The following INTS8 variants were observed in gnomAD, a reference collection of about 807,000 sequenced individuals.
INTS8 encodes protein kaonashi-1.
A neutral mutation model predicts 138.9 loss-of-function variants in INTS8; 47 were observed. The ratio of observed to expected loss-of-function variants is 0.34; its 90% CI spans 0.27 to 0.43. INTS8 has a LOEUF of 0.43. Among genes scored for constraint, INTS8 ranks in the 20% least tolerant of loss-of-function variants. The pLI is 1.00. For missense variants in INTS8, 996 were observed against 1,173.0 expected, an observed-to-expected ratio of 0.85 and a Z score of 2.20; for synonymous variants, 392 against 400.9, an observed-to-expected ratio of 0.98 and a Z score of 0.27.
At chr8:94,873,176 C>T (rs1816457546) in intron 21 of INTS8, among the ~76,000 whole-genome samples, 198 bp from the exon 22 acceptor site, 1 of 152,214 alleles carries the variant, frequency 6.6e-6, no homozygotes, top group African/African-American at 2.4e-5. Context: ...CTCGTTTGGA[C>T]ATTTGGGAAA....
At chr8:94,860,815 G>A (rs1260511199) in intron 16 of INTS8, among the ~76,000 whole-genome samples, 1 of 151,924 alleles carries the variant, frequency 6.6e-6, no homozygotes, top group African/African-American at 2.4e-5. Context: ...CAGCACTTTG[G>A]GAGGCCGAGA....
At chr8:94,839,457 T>C (rs1037536526) in intron 8 of INTS8, among the ~76,000 whole-genome samples, 1 of 152,244 alleles carries the variant, frequency 6.6e-6, no homozygotes, top group African/African-American at 2.4e-5. Context: ...AACTTAGTTT[T>C]GTGTCTCCAA....
At chr8:94,837,933 C>A (rs1231446038) in intron 7 of INTS8, among the ~76,000 whole-genome samples, 1 of 151,926 alleles carries the variant, frequency 6.6e-6, no homozygotes, top group Non-Finnish European at 1.5e-5. Context: ...AAGGGACGAA[C>A]AAAAACAGAC....
chr8:94,837,650 T>C (rs1814974944), intron 7 of INTS8, among the ~76,000 whole-genome samples: 1 of 152,206 alleles, frequency 6.6e-6, no homozygotes, highest in South Asian at 2.1e-4. Flanking sequence ...AAATCTCTGC[T>C]GGTATGTGTC....
intron 6 of INTS8, among the ~76,000 whole-genome samples, chr8:94,834,094 T>A (rs771555811): frequency 2.0e-5 from 3 of 152,218 alleles, no homozygotes. Flanking sequence ...TTTACATTAC[T>A]AAAATTTACC....
chr8:94,855,268 A>C (rs1191964901), intron 14 of INTS8, among the ~76,000 whole-genome samples: 1 of 152,226 alleles, frequency 6.6e-6, no homozygotes, highest in African/African-American at 2.4e-5. Flanking sequence ...GATTGAAATG[A>C]TTTATTTAAC....
rs1261097516 is a variant in INTS8 at position 94,881,101 on chromosome 8, T to C, written c.*867T>C. On this transcript the variant is annotated 3_prime_UTR_variant, in exon 27 of 27. Transcript: ENST00000523731. Reference sequence around the variant, plus strand: ...AAATTCAAGTTTTATAATAGCTTGCTATAGCAGCTATAGATAAATTAGTCA... The same window carrying C: ...AAATTCAAGTTTTATAATAGCTTGCCATAGCAGCTATAGATAAATTAGTCA... The C allele has an allele frequency of 2.5e-6, 1 of 397,036 alleles. No homozygotes were observed. Among genetic ancestry groups the C allele is most frequent in the Non-Finnish European group, 4.4e-6 (1 of 225,190 alleles). 24.6% of individuals were successfully genotyped at this position (397,036 alleles called of 1,614,324 possible).
chr8:94,838,419 T>G (rs1815013140), intron 7 of INTS8, 44 bp from the exon 8 acceptor site: 1 of 1,497,640 alleles, frequency 6.7e-7, no homozygotes, highest in Non-Finnish European at 9.3e-7. Flanking sequence ...GACTATTGTT[T>G]ATATTACATG....
chr8:94,869,985 C>G (rs1368880316), intron 20 of INTS8, among the ~76,000 whole-genome samples: 1 of 152,092 alleles, frequency 6.6e-6, no homozygotes, highest in Non-Finnish European at 1.5e-5. Flanking sequence ...GGTTTCTGTG[C>G]CATGTTCCCC....
chr8:94,856,005 C>T (rs1815732872), intron 14 of INTS8, among the ~76,000 whole-genome samples: 1 of 152,108 alleles, frequency 6.6e-6, no homozygotes, highest in African/African-American at 2.4e-5. Context: ...AAAGATCACC[C>T]AGAGAGAATA....
At chr8:94,847,563 T>C (rs1416950413) in intron 10 of INTS8, among the ~76,000 whole-genome samples, 1 of 152,226 alleles carries the variant, frequency 6.6e-6, no homozygotes. Context: ...CATAGAACTA[T>C]ATTCTCGTTT....
At chr8:94,851,493 A>G in intron 12 of INTS8, 60 bp from the exon 13 acceptor site, 1 of 1,195,858 alleles carries the variant, frequency 8.4e-7, no homozygotes. Flanking sequence ...AATTTTAAGT[A>G]AATTGTTATT....
chr8:94,876,148 G>A lies in INTS8; in HGVS notation c.2762+1G>A. 6.2e-7 allele frequency: 1 copy of A among 1,608,072 alleles called. No individual in the cohort carries two copies. The highest frequency in any genetic ancestry group is 8.5e-7 in the Non-Finnish European group (1 of 1,174,934). The stretch of plus-strand genomic sequence containing the variant: ...TTAAATCTCTGCAAGAACAAAACAG[G>A]TATGAATAATATTTTAAAAATAATG... On this transcript the variant is annotated splice_donor_variant, in intron 24 of 26. Transcript: ENST00000523731. LOFTEE classifies it high-confidence loss of function.
chr8:94,838,345 C>A, intron 7 of INTS8, 118 bp from the exon 8 acceptor site: 2 of 803,372 alleles, frequency 2.5e-6, no homozygotes, highest in East Asian at 2.6e-5. Flanking sequence ...CCGCTGTGCC[C>A]AGCCCGGCTT....
At chr8:94,844,771 T>C (rs1815270656) in intron 10 of INTS8, among the ~76,000 whole-genome samples, 1 of 151,494 alleles carries the variant, frequency 6.6e-6, no homozygotes, top group East Asian at 1.9e-4. Context: ...TTTTTTTTGT[T>C]TGAGACGGGT....
intron 14 of INTS8, among the ~76,000 whole-genome samples, chr8:94,855,895 T>C (rs1815729199): frequency 6.6e-6 from 1 of 152,166 alleles, no homozygotes; most frequent in Non-Finnish European, 1.5e-5. Context: ...GCAGGGCAGA[T>C]TATGAGTTTA....
chr8:94,880,149 C>T lies in INTS8; in HGVS notation c.2903C>T (p.Ala968Val). The change falls in exon 27 of 27, where the codon GCA (alanine) becomes GTA (valine). Residue 968 changes from alanine (A) to valine (V), a missense_variant. Transcript: ENST00000523731. ...IKAIGQTELN[A>V]SNPEEVLQLA... ...GCCATCGGCCAGACAGAGTTGAATG[C>T]AAGCAATCCAGAAGAAGTGTTACAG... The T allele has an allele frequency of 1.9e-6, 3 of 1,611,690 alleles. No individual in the cohort carries two copies. Among genetic ancestry groups the T allele is most frequent in the Non-Finnish European group, 1.7e-6 (2 of 1,179,248 alleles).
Position 94,881,480 on chromosome 8 carries a change from A to G in INTS8, c.*1246A>G, listed in dbSNP as rs1403901715. 5.9e-6 allele frequency: 4 copies of G among 672,544 alleles called. No individual in the cohort carries two copies. The East Asian group carries it at 8.1e-5, about 14-fold the overall frequency. The allele number at this position is 672,544 out of a possible 1,614,324, so 41.7% of individuals were successfully genotyped here. ...TAATTAAATGTATTCTTTAGTGCCA[A>G]TTGTAAGTTTTAAAATCAGAATGGC... is the stretch of plus-strand genomic sequence containing the variant. On this transcript the variant is annotated 3_prime_UTR_variant, in exon 27 of 27. Coordinates refer to ENST00000523731, the MANE Select transcript of INTS8 (RefSeq NM_017864.4).
chr8:94,854,112 A>T (rs1287835524), intron 14 of INTS8, among the ~76,000 whole-genome samples, 197 bp downstream of exon 14: 1 of 150,050 alleles, frequency 6.7e-6, no homozygotes, highest in African/African-American at 2.5e-5. Flanking sequence ...AATCTCAGCT[A>T]CTCGGAGTCT....
Sources: gnomAD v4.1 joint callset for allele counts (sites outside exome capture counted in the v4.1 genomes callset) on GRCh38, gnomAD v4.1.1 for gene constraint, MANE v1.5 for transcripts, NCBI Gene and HGNC (gene_info 2026-07-23, HGNC 2026-07-21) for gene names.